Variants in PDCL2 observed in about 807,000 individuals in gnomAD.
PDCL2 encodes the protein phosducin-like protein 2.
Under a neutral mutation model 30.3 loss-of-function variants are expected in PDCL2, and 23 were observed. The ratio of observed to expected loss-of-function variants is 0.76; its 90% confidence interval spans 0.55 to 1.08. The LOEUF (loss-of-function observed/expected upper bound fraction) is 1.08, where lower values mean the gene tolerates loss of function less well. Ranked by LOEUF, PDCL2 falls within the 50% of genes least tolerant of loss-of-function variation. PDCL2 has a pLI of 0.00. For missense variants in PDCL2, 243 were observed against 282.3 expected (o/e 0.86, Z 1.00); for synonymous variants, 68 against 86.2 (o/e 0.79, Z 1.17).
chr4:55,565,331 T>C (rs930709944), intron 4 of PDCL2, among the ~76,000 whole-genome samples: 5 of 152,108 alleles, frequency 3.3e-5, no homozygotes, highest in African/African-American at 1.2e-4. Flanking sequence ...AATAAAGACA[T>C]ACCCAAGGCT....
At chr4:55,564,475 A>T (rs555399652) in intron 4 of PDCL2, among the ~76,000 whole-genome samples, 1 of 152,344 alleles carries the variant, frequency 6.6e-6, no homozygotes, top group Non-Finnish European at 1.5e-5. Flanking sequence ...AAGTTAAGAG[A>T]CTATTTATGG....
chr4:55,577,279 T>C (rs931819241), intron 3 of PDCL2, among the ~76,000 whole-genome samples: 14 of 152,298 alleles, frequency 9.2e-5, no homozygotes, highest in Admixed American at 2.0e-4. Flanking sequence ...AGGCTCCACC[T>C]CTTAATGCCA....
chr4:55,573,667 C>G (rs1251671231), intron 3 of PDCL2, among the ~76,000 whole-genome samples: 1 of 152,002 alleles, frequency 6.6e-6, no homozygotes, highest in African/African-American at 2.4e-5. Flanking sequence ...AGGATAATCA[C>G]TTGAGCCCAG....
At chr4:55,572,779 G>A (rs1305637185) in intron 3 of PDCL2, among the ~76,000 whole-genome samples, 2 of 151,442 alleles carry the variant, frequency 1.3e-5, no homozygotes, top group Admixed American at 1.3e-4. Context: ...TTTTTTCTTT[G>A]GGATGGAGTC....
At chr4:55,576,583 C>T (rs1322846068) in intron 3 of PDCL2, among the ~76,000 whole-genome samples, 1 of 152,006 alleles carries the variant, frequency 6.6e-6, no homozygotes, top group Non-Finnish European at 1.5e-5. Flanking sequence ...CAAAGTAGGC[C>T]ACTGTAAGAC....
intron 5 of PDCL2, among the ~76,000 whole-genome samples, chr4:55,559,327 G>A (rs1732064863): frequency 7.6e-6 from 1 of 131,936 alleles, no homozygotes; most frequent in African/African-American, 2.5e-5. Context: ...GTTCATAATG[G>A]GAAAATTGGA....
At chr4:55,572,113 G>A (rs1277035728) in intron 3 of PDCL2, among the ~76,000 whole-genome samples, 13 of 152,014 alleles carry the variant, frequency 8.6e-5, no homozygotes, top group Non-Finnish European at 1.9e-4. Flanking sequence ...GTGGAATTGG[G>A]CAGGGGAGAA....
Position 55,556,642 on chromosome 4 carries a change from A to T in PDCL2, c.641T>A (p.Met214Lys). The change falls in exon 6 of 6, where the codon ATG becomes AAG. Residue 214 changes from methionine to lysine, a missense_variant. Transcript: ENST00000295645. The part of the protein sequence containing the change: ...TDLEENPRKD[M>K]VDMMVSSIRN... ...AATTGAAGATACCATCATATCTACC[A>T]TGTCTTTTCTGGGGTTTTCTTCCAA... 6.4e-7 allele frequency: 1 copy of T among 1,572,674 alleles called. No individual in the cohort carries two copies. Among genetic ancestry groups the T allele is most frequent in the Non-Finnish European group, 8.6e-7 (1 of 1,156,538 alleles).
intron 1 of PDCL2, among the ~76,000 whole-genome samples, chr4:55,590,653 A>ATT (rs5858337): frequency 7.5e-5 from 11 of 146,896 alleles, no homozygotes; most frequent in African/African-American, 1.8e-4. Flanking sequence ...TGTCCAGCTA[A>ATT]TTTTTTTTTT....
intron 3 of PDCL2, 140 bp downstream of exon 3, chr4:55,580,681 A>T: frequency 1.8e-6 from 1 of 544,798 alleles, no homozygotes; most frequent in Non-Finnish European, 3.1e-6. Flanking sequence ...ATTCCACCTT[A>T]TATAAAGGGA....
chr4:55,569,948 AAT>A (rs1279744684), intron 3 of PDCL2, 87 bp from the exon 4 acceptor site: 18 of 957,284 alleles, frequency 1.9e-5, no homozygotes, highest in Non-Finnish European at 2.7e-5. Flanking sequence ...TAGGGCAATG[AAT>A]ATAATGCCTA....
At chr4:55,589,170 T>A (rs1474675720) in intron 1 of PDCL2, among the ~76,000 whole-genome samples, 1 of 152,192 alleles carries the variant, frequency 6.6e-6, no homozygotes, top group Non-Finnish European at 1.5e-5. Flanking sequence ...GTACGGATGT[T>A]TTATAACCTA....
chr4:55,587,315 A>G (rs1485940095), intron 1 of PDCL2, among the ~76,000 whole-genome samples: 1 of 150,418 alleles, frequency 6.6e-6, no homozygotes, highest in Non-Finnish European at 1.5e-5. Context: ...AGGAGACTTC[A>G]TGGCCTAATC....
At chr4:55,559,469 T>A (rs1458107271) in intron 5 of PDCL2, among the ~76,000 whole-genome samples, 1 of 152,194 alleles carries the variant, frequency 6.6e-6, no homozygotes, top group Non-Finnish European at 1.5e-5. Context: ...TTGAGATTTT[T>A]AAAAAAGCAA....
chr4:55,586,117 T>G (rs1732858878), intron 1 of PDCL2, among the ~76,000 whole-genome samples: 1 of 152,186 alleles, frequency 6.6e-6, no homozygotes, highest in Non-Finnish European at 1.5e-5. Flanking sequence ...CATTTCCCTC[T>G]TAAATCTGCT....
intron 1 of PDCL2, among the ~76,000 whole-genome samples, chr4:55,584,288 G>A (rs1283980881): frequency 5.9e-5 from 9 of 151,698 alleles, no homozygotes; most frequent in East Asian, 3.9e-4. Context: ...ATGAAGTCTC[G>A]TTCTGTCGCC....
chr4:55,581,815 T>C (rs993072270), intron 2 of PDCL2, among the ~76,000 whole-genome samples: 23 of 152,192 alleles, frequency 1.5e-4, no homozygotes, highest in Non-Finnish European at 2.8e-4. Flanking sequence ...GCCATTCTAC[T>C]GCCTCAGCCT....
At chr4:55,579,029 T>G (rs549567529) in intron 3 of PDCL2, among the ~76,000 whole-genome samples, 1 of 152,344 alleles carries the variant, frequency 6.6e-6, no homozygotes, top group South Asian at 2.1e-4. Flanking sequence ...AATTTGTTCA[T>G]GTATTAAGTT....
chr4:55,573,078 C>T (rs7665846), intron 3 of PDCL2, among the ~76,000 whole-genome samples: 114,901 of 152,070 alleles, frequency 0.76, 43,782 homozygotes, highest in East Asian at 0.9. Context: ...ACTTCTTTCC[C>T]CACTTAATTC....
Sources: gnomAD v4.1 joint callset for allele counts (sites outside exome capture counted in the v4.1 genomes callset) on GRCh38, gnomAD v4.1.1 for gene constraint, MANE v1.5 for transcripts, NCBI Gene and HGNC (gene_info 2026-07-23, HGNC 2026-07-21) for gene names.